RERE: variants seen among roughly 807,000 people sequenced by gnomAD.
The protein encoded by RERE is arginine-glutamic acid dipeptide repeats protein.
In RERE, 40 loss-of-function variants were observed where a neutral mutation model predicts 146.1. That is an observed-to-expected ratio of 0.27 (90% CI 0.21 to 0.36). The LOEUF is 0.36. Ranked by LOEUF, RERE falls within the 10% of genes least tolerant of loss-of-function variation. The pLI is 1.00. For synonymous variants in RERE, 1,003 were observed against 866.0 expected (o/e 1.16, Z -2.78); for missense variants, 1,933 against 2,138.7 (o/e 0.90, Z 1.90).
chr1:8,640,808 C>T (rs1282190161), intron 2 of RERE, among the ~76,000 whole-genome samples: 2 of 152,262 alleles, frequency 1.3e-5, no homozygotes, highest in East Asian at 3.9e-4. Flanking sequence ...CCATCTATCT[C>T]TGGTACTTAC....
At chr1:8,437,749 T>C (rs1347616353) in intron 11 of RERE, among the ~76,000 whole-genome samples, 1 of 152,184 alleles carries the variant, frequency 6.6e-6, no homozygotes, top group African/African-American at 2.4e-5. Context: ...CTCATTTACA[T>C]ACACAGCTGG....
intron 10 of RERE, among the ~76,000 whole-genome samples, chr1:8,484,984 T>C (rs1644880118): frequency 6.6e-6 from 1 of 152,214 alleles, no homozygotes; most frequent in Non-Finnish European, 1.5e-5. Context: ...CAGTTCACTA[T>C]TGGACCAAAA....
chr1:8,769,370 T>C (rs945129644), intron 1 of RERE, among the ~76,000 whole-genome samples: 6 of 152,304 alleles, frequency 3.9e-5, no homozygotes, highest in African/African-American at 1.4e-4. Context: ...ACTGTCCAAG[T>C]ACAAAGTGAT....
chr1:8,737,240 C>T (rs891498458), intron 1 of RERE, among the ~76,000 whole-genome samples: 2 of 152,052 alleles, frequency 1.3e-5, no homozygotes, highest in Non-Finnish European at 2.9e-5. Flanking sequence ...CTTTGGTAAA[C>T]CAAATTCAGA....
chr1:8,599,161 C>T (rs893041106), intron 4 of RERE, among the ~76,000 whole-genome samples: 6 of 152,192 alleles, frequency 3.9e-5, no homozygotes, highest in African/African-American at 1.2e-4. Flanking sequence ...ACAACAAGCA[C>T]CCAAATGACA....
intron 11 of RERE, among the ~76,000 whole-genome samples, chr1:8,458,195 T>C (rs138214534): frequency 1.3e-5 from 2 of 152,312 alleles, no homozygotes; most frequent in African/African-American, 2.4e-5. Flanking sequence ...CCACTGTCTA[T>C]GGGAGAACAA....
chr1:8,406,798 T>A (rs892656810), intron 12 of RERE, among the ~76,000 whole-genome samples: 2 of 63,852 alleles, frequency 3.1e-5, no homozygotes, highest in African/African-American at 5.7e-5. Flanking sequence ...TTTAGTCCAG[T>A]GAGGATCTTA....
intron 1 of RERE, among the ~76,000 whole-genome samples, chr1:8,726,459 T>C (rs1639972235): frequency 6.6e-6 from 1 of 152,014 alleles, no homozygotes; most frequent in South Asian, 2.1e-4. Flanking sequence ...GGCCAGGCAA[T>C]TCCAGTTTTT....
chr1:8,770,210 C>A (rs1640918477), intron 1 of RERE, among the ~76,000 whole-genome samples: 1 of 152,076 alleles, frequency 6.6e-6, no homozygotes, highest in Admixed American at 6.6e-5. Context: ...AGTGTTTTCA[C>A]CTGTAACGGA....
chr1:8,701,202 C>G (rs1464481192), intron 1 of RERE, among the ~76,000 whole-genome samples: 1 of 151,742 alleles, frequency 6.6e-6, no homozygotes, highest in African/African-American at 2.4e-5. Context: ...ATGGGGTTTA[C>G]CATCACAGTC....
At chr1:8,771,614 A>G (rs1159873443) in intron 1 of RERE, among the ~76,000 whole-genome samples, 1 of 151,894 alleles carries the variant, frequency 6.6e-6, no homozygotes, top group Admixed American at 6.6e-5. Context: ...TAATTTTACA[A>G]TCAGAAAAAA....
chr1:8,531,010 TA>T (rs1209832550), intron 7 of RERE, among the ~76,000 whole-genome samples: 483 of 26,280 alleles, frequency 0.018, 2 homozygotes, highest in South Asian at 0.04. Context: ...CTGAGTTTTC[TA>T]TCTATCTATC....
chr1:8,426,323 G>A (rs1238703326), intron 11 of RERE, among the ~76,000 whole-genome samples: 1 of 151,870 alleles, frequency 6.6e-6, no homozygotes, highest in African/African-American at 2.4e-5. Flanking sequence ...GCATGGTGGT[G>A]GGCGCCTGTA....
intron 4 of RERE, among the ~76,000 whole-genome samples, chr1:8,595,173 A>G (rs1195726731): frequency 2.6e-5 from 4 of 151,946 alleles, no homozygotes; most frequent in Non-Finnish European, 5.9e-5. Flanking sequence ...AAAAAAAAAA[A>G]AAGCTGCTGG....
At chr1:8,659,212 T>C (rs1311745691) in intron 1 of RERE, among the ~76,000 whole-genome samples, 4 of 152,232 alleles carry the variant, frequency 2.6e-5, no homozygotes, top group Non-Finnish European at 5.9e-5. Flanking sequence ...GACCTACTAC[T>C]TCCTCGACAA....
chr1:8,525,862 T>G (rs1331124249), intron 7 of RERE: 1 of 1,481,490 alleles, frequency 6.7e-7, no homozygotes, highest in African/African-American at 1.4e-5. Context: ...TTTTCTACAC[T>G]AACAACTCAA....
At chr1:8,771,455 CA>C (rs1299644230) in intron 1 of RERE, among the ~76,000 whole-genome samples, 14 of 149,682 alleles carry the variant, frequency 9.4e-5, no homozygotes, top group Non-Finnish European at 1.8e-4. Context: ...ACCCAGGAGG[CA>C]GAGGTTGCAG....
chr1:8,700,801 T>G (rs1293154204), intron 1 of RERE, among the ~76,000 whole-genome samples: 1 of 152,188 alleles, frequency 6.6e-6, no homozygotes, highest in Non-Finnish European at 1.5e-5. Context: ...CATTATAAAA[T>G]GGATGGCTCC....
rs58064164 is a variant in RERE, at chr1:8,516,227, G to GAAAAAAAAAAAAAA, written c.831-7566_831-7553dup. On this transcript the variant is annotated intron_variant, in intron 7 of 22. Transcript: ENST00000400908. The stretch of plus-strand genomic sequence containing the variant: ...GGGACGGAGCAAGACTCTCTCAGAG[G>GAAAAAAAAAAAAAA]AAAAAAAAAAAAAAAAAAAAAATCT... Among the ~76,000 whole-genome samples, 86 of 52,300 alleles carry GAAAAAAAAAAAAAA rather than the reference G, an allele frequency of 1.6e-3. 6 individuals carry two copies. The highest frequency in any genetic ancestry group is 5.5e-3 in the African/African-American group (64 of 11,628). The allele number at this position is 52,300 out of a possible 152,430, so 34.3% of individuals were successfully genotyped here. A position where few individuals can be genotyped will look rare whatever the true frequency, so the allele number is the denominator to read the frequency against.
Sources: allele counts gnomAD v4.1 joint callset (sites outside exome capture counted in the v4.1 genomes callset), GRCh38; gene constraint gnomAD v4.1.1; transcripts MANE v1.5; gene names NCBI Gene and HGNC (gene_info 2026-07-23, HGNC 2026-07-21).